Variants in GLYR1 observed in about 807,000 individuals in gnomAD.
The protein encoded by GLYR1 is glyoxylate reductase 1 homolog.
A neutral mutation model predicts 72.7 loss-of-function variants in GLYR1; 21 were observed. That is an observed-to-expected ratio of 0.29 (90% CI 0.20 to 0.42). The LOEUF (loss-of-function observed/expected upper bound fraction) is 0.42. Ranked by LOEUF, GLYR1 falls within the 10% of genes least tolerant of loss-of-function variation. The pLI, the probability that GLYR1 is intolerant of heterozygous loss-of-function variation, is 1.00. For missense variants in GLYR1, 594 were observed against 712.1 expected, an observed-to-expected ratio of 0.83 and a Z score of 1.89; for synonymous variants, 392 against 270.2, an observed-to-expected ratio of 1.45 and a Z score of -4.42.
At position 4,808,267 on chromosome 16, in the gene GLYR1, G is replaced by T. The variant is rs902966079; in HGVS notation, c.1587+2903C>A. 3.3e-5 allele frequency among the ~76,000 whole-genome samples: 5 copies of T among 149,844 alleles called. No individual in the cohort carries two copies. The South Asian group carries it at 1.1e-3, about 32-fold the overall frequency. Reference sequence around the variant, plus strand: ...AAAAAAAAAAAAAAATACAATTCAGGAACAGAGAATTATACTATGAAAAGC... The same window carrying T: ...AAAAAAAAAAAAAAATACAATTCAGTAACAGAGAATTATACTATGAAAAGC... On this transcript the variant is annotated intron_variant, in intron 15 of 15. Coordinates refer to ENST00000321919, the MANE Select transcript of GLYR1 (RefSeq NM_032569.4).
At chr16:4,837,648 T>C (rs927927891) in intron 3 of GLYR1, among the ~76,000 whole-genome samples, 2 of 151,522 alleles carry the variant, frequency 1.3e-5, no homozygotes, top group Admixed American at 1.3e-4. Context: ...CACACAAGCA[T>C]AGAGTATAAA....
chr16:4,819,419 C>A (rs1456117332), intron 9 of GLYR1, among the ~76,000 whole-genome samples: 4 of 152,088 alleles, frequency 2.6e-5, no homozygotes, highest in African/African-American at 4.8e-5. Flanking sequence ...GTGATCCTTC[C>A]ACCTCAGTCC....
At chr16:4,810,369 C>T (rs1302608933) in intron 15 of GLYR1, among the ~76,000 whole-genome samples, 6 of 151,546 alleles carry the variant, frequency 4.0e-5, no homozygotes, top group Non-Finnish European at 7.4e-5. Flanking sequence ...GGTTGGGGCA[C>T]GCCTGTAATC....
At chr16:4,827,630 G>C (rs1172347313) in intron 5 of GLYR1, among the ~76,000 whole-genome samples, 1 of 152,174 alleles carries the variant, frequency 6.6e-6, no homozygotes, top group Non-Finnish European at 1.5e-5. Flanking sequence ...GCCAGGCACG[G>C]TGGCTCACGC....
At chr16:4,817,141 A>G (rs1331431990) in intron 10 of GLYR1, among the ~76,000 whole-genome samples, 2 of 146,720 alleles carry the variant, frequency 1.4e-5, no homozygotes, top group African/African-American at 2.5e-5. Flanking sequence ...TTTTTTTGAG[A>G]CGGAGTCTTG....
At chr16:4,832,265 T>G in intron 4 of GLYR1, 44 bp from the exon 5 acceptor site, 1 of 1,602,722 alleles carries the variant, frequency 6.2e-7, no homozygotes. Flanking sequence ...CCACAGCTGC[T>G]GCCGCCATCG....
intron 2 of GLYR1, among the ~76,000 whole-genome samples, chr16:4,845,778 C>T (rs1219778211): frequency 6.6e-6 from 1 of 152,192 alleles, no homozygotes; most frequent in Non-Finnish European, 1.5e-5. Flanking sequence ...CATATGGTAA[C>T]ATGGAAAGAA....
At chr16:4,836,367 A>G (rs1193508612) in intron 3 of GLYR1, among the ~76,000 whole-genome samples, 1 of 152,236 alleles carries the variant, frequency 6.6e-6, no homozygotes, top group Non-Finnish European at 1.5e-5. Flanking sequence ...TTTCCTTGAT[A>G]GAAGCTGTAA....
chr16:4,821,335 C>G, intron 9 of GLYR1, 45 bp downstream of exon 9: 4 of 1,601,796 alleles, frequency 2.5e-6, no homozygotes, highest in Non-Finnish European at 3.4e-6. Flanking sequence ...TCCCCACCCT[C>G]AGCAGAACCA....
intron 5 of GLYR1, 61 bp downstream of exon 5, chr16:4,831,918 T>C: frequency 6.4e-7 from 1 of 1,566,178 alleles, no homozygotes. Flanking sequence ...CTGTAGAGCT[T>C]AACTCTACCT....
chr16:4,814,325 G>A (rs2083492438), intron 11 of GLYR1, among the ~76,000 whole-genome samples: 1 of 152,240 alleles, frequency 6.6e-6, no homozygotes, highest in South Asian at 2.1e-4. Context: ...CAGACTTCAA[G>A]GGCCCTAGTA....
intron 9 of GLYR1, chr16:4,817,958 T>G: frequency 2.3e-6 from 1 of 434,822 alleles, no homozygotes; most frequent in Non-Finnish European, 4.2e-6. Context: ...GTATGATGTG[T>G]ATGGTTCAGG....
At position 4,846,201 on chromosome 16, in the gene GLYR1, G is replaced by A. The variant is rs201873374; in HGVS notation, c.48C>T (p.Leu16=). 1.4e-5 allele frequency: 23 copies of A among 1,613,714 alleles called. No homozygotes were observed. The African/African-American group carries it at 2.9e-4, about 21-fold the overall frequency. The part of the protein sequence containing the change: ...LRLGDLVWGK[L]GRYPPWPGKI... ...TTCCTGGCCAAGGAGGATATCGGCC[G>A]AGTTTCCCCCTAGAGAAAACACAAA... Residue 16 remains leucine (L), a synonymous_variant, in exon 2 of 16, where the codon CTC becomes CTT. Coordinates refer to ENST00000321919, the MANE Select transcript of GLYR1 (RefSeq NM_032569.4).
chr16:4,819,641 T>C (rs1024594046), intron 9 of GLYR1, among the ~76,000 whole-genome samples: 3 of 152,192 alleles, frequency 2.0e-5, no homozygotes, highest in African/African-American at 7.2e-5. Flanking sequence ...CTCTGACTGC[T>C]GGATGTCCCC....
intron 3 of GLYR1, among the ~76,000 whole-genome samples, chr16:4,844,281 C>T (rs1029729114): frequency 6.6e-6 from 1 of 152,154 alleles, no homozygotes; most frequent in Non-Finnish European, 1.5e-5. Context: ...GATTAATGGT[C>T]CTGGTTTCCC....
intron 3 of GLYR1, among the ~76,000 whole-genome samples, chr16:4,834,536 A>G (rs1225189964): frequency 6.6e-6 from 1 of 151,332 alleles, no homozygotes; most frequent in Admixed American, 6.6e-5. Context: ...GATCTTAGCT[A>G]ACTGCGACCT....
At chr16:4,831,660 G>A (rs1236203899) in intron 5 of GLYR1, among the ~76,000 whole-genome samples, 1 of 152,272 alleles carries the variant, frequency 6.6e-6, no homozygotes, top group East Asian at 1.9e-4. Context: ...CCTGGTCTAT[G>A]GGATTCTTTA....
At chr16:4,821,738 C>A in intron 7 of GLYR1, 141 bp from the exon 8 acceptor site, 2 of 740,860 alleles carry the variant, frequency 2.7e-6, no homozygotes, top group South Asian at 1.6e-5. Flanking sequence ...CCAAATTTTA[C>A]ACTAGAAAGT....
Position 4,846,159 on chromosome 16 carries a change from T to C in GLYR1, c.75+15A>G, listed in dbSNP as rs373935041. The C allele has an allele frequency of 5.8e-5, 94 of 1,613,650 alleles. No individual in the cohort carries two copies. The highest frequency in any genetic ancestry group is 7.2e-5 in the Non-Finnish European group (85 of 1,179,700). On this transcript the variant is annotated intron_variant, in intron 2 of 15. Transcript: ENST00000321919. ...CCCAACTTCAGATCTCTTCCTTTAG[T>C]AGCAAGACACTCACCTTTCCTGGCC...
Sources: allele counts gnomAD v4.1 joint callset (sites outside exome capture counted in the v4.1 genomes callset), GRCh38; gene constraint gnomAD v4.1.1; transcripts MANE v1.5; gene names NCBI Gene and HGNC (gene_info 2026-07-23, HGNC 2026-07-21).